The following RIMS2 variants were observed in gnomAD, a reference collection of about 807,000 sequenced individuals.
The protein encoded by RIMS2 is regulating synaptic membrane exocytosis protein 2.
A neutral mutation model predicts 174.4 loss-of-function variants in RIMS2; 59 were observed. The observed-to-expected ratio is 0.34, with a 90% CI of 0.27 to 0.42. The LOEUF (loss-of-function observed/expected upper bound fraction) is 0.42, where lower values mean the gene tolerates loss of function less well. Among genes scored for constraint, RIMS2 ranks in the 10% least tolerant of loss-of-function variants. The pLI, the probability that RIMS2 is intolerant of heterozygous loss-of-function variation, is 1.00. For missense variants in RIMS2, 1,620 were observed against 1,666.3 expected (o/e 0.97, Z 0.48); for synonymous variants, 606 against 572.5 (o/e 1.06, Z -0.84).
intron 3 of RIMS2, among the ~76,000 whole-genome samples, chr8:103,854,359 T>C (rs1273044780): frequency 6.6e-6 from 1 of 152,122 alleles, no homozygotes; most frequent in Admixed American, 6.6e-5. Flanking sequence ...ATTTTTTCTC[T>C]TGCCTGATTG....
intron 1 of RIMS2, among the ~76,000 whole-genome samples, chr8:103,512,218 G>A (rs963019393): frequency 6.6e-6 from 1 of 152,152 alleles, no homozygotes; most frequent in Non-Finnish European, 1.5e-5. Context: ...TTCCTTTAAT[G>A]TCACTATGGC....
chr8:103,973,080 T>C (rs898994769), intron 15 of RIMS2, among the ~76,000 whole-genome samples: 11 of 152,230 alleles, frequency 7.2e-5, no homozygotes, highest in Non-Finnish European at 1.5e-5. Flanking sequence ...ACAATTAATC[T>C]TCTTGCTGCA....
At chr8:103,668,999 T>C (rs976883592) in intron 1 of RIMS2, among the ~76,000 whole-genome samples, 1 of 152,152 alleles carries the variant, frequency 6.6e-6, no homozygotes, top group African/African-American at 2.4e-5. Context: ...TCTAGATGGA[T>C]TATCATAGTT....
At chr8:103,632,199 T>C (rs1005348707) in intron 1 of RIMS2, among the ~76,000 whole-genome samples, 2 of 152,184 alleles carry the variant, frequency 1.3e-5, no homozygotes, top group African/African-American at 4.8e-5. Flanking sequence ...CCTTGTCTTG[T>C]GTCAGTTTTC....
intron 1 of RIMS2, among the ~76,000 whole-genome samples, chr8:103,664,229 C>T (rs1431901513): frequency 6.6e-6 from 1 of 152,216 alleles, no homozygotes; most frequent in East Asian, 1.9e-4. Context: ...TCAAAGACTT[C>T]ATGACTAAAA....
intron 3 of RIMS2, among the ~76,000 whole-genome samples, chr8:103,839,014 A>G (rs1439333634): frequency 6.6e-6 from 1 of 152,144 alleles, no homozygotes; most frequent in Non-Finnish European, 1.5e-5. Flanking sequence ...GCAGTGAGCC[A>G]AGATCGCGCC....
chr8:103,590,810 A>G (rs1363222744), intron 1 of RIMS2, among the ~76,000 whole-genome samples: 2 of 151,158 alleles, frequency 1.3e-5, no homozygotes, highest in African/African-American at 4.8e-5. Context: ...ATGTTGTTGA[A>G]TGTATCAGAT....
chr8:104,110,728 C>T (rs16892392), intron 19 of RIMS2, among the ~76,000 whole-genome samples: 35,719 of 151,926 alleles, frequency 0.24, 4,497 homozygotes, highest in African/African-American at 0.33. Flanking sequence ...AAAGTTAATC[C>T]CCTGCACTGA....
intron 8 of RIMS2, 86 bp downstream of exon 11, chr8:103,916,623 C>A: frequency 9.2e-7 from 1 of 1,088,192 alleles, no homozygotes; most frequent in Non-Finnish European, 1.3e-6. Context: ...TTTCTGATTG[C>A]TTTATGGAAA....
At chr8:104,092,371 C>G (rs2097676610) in intron 19 of RIMS2, among the ~76,000 whole-genome samples, 1 of 151,664 alleles carries the variant, frequency 6.6e-6, no homozygotes, top group African/African-American at 2.4e-5. Flanking sequence ...GCAAAATTAA[C>G]TAGATAATAA....
At chr8:103,935,022 G>A (rs2080930771) in intron 12 of RIMS2, among the ~76,000 whole-genome samples, 1 of 152,130 alleles carries the variant, frequency 6.6e-6, no homozygotes, top group African/African-American at 2.4e-5. Flanking sequence ...GAATTAAATA[G>A]CAAGGCTCTG....
intron 10 of RIMS2, chr8:103,927,792 G>A (rs1313387527): frequency 7.8e-7 from 1 of 1,283,192 alleles, no homozygotes; most frequent in Non-Finnish European, 1.1e-6. Context: ...CCAGCGTGTT[G>A]TCCTTTTTGG....
chr8:103,668,001 T>C (rs1488927580), intron 1 of RIMS2, among the ~76,000 whole-genome samples: 2 of 152,204 alleles, frequency 1.3e-5, no homozygotes, highest in Non-Finnish European at 2.9e-5. Context: ...TTGTCCTCTG[T>C]TGGGGGACCA....
intron 1 of RIMS2, among the ~76,000 whole-genome samples, chr8:103,670,765 C>G (rs1309142163): frequency 6.6e-6 from 1 of 152,194 alleles, no homozygotes; most frequent in African/African-American, 2.4e-5. Context: ...ATATCATTAT[C>G]AGCATTTTGG....
intron 15 of RIMS2, among the ~76,000 whole-genome samples, chr8:103,965,517 T>C (rs1252568501): frequency 3.3e-5 from 5 of 152,174 alleles, no homozygotes; most frequent in Non-Finnish European, 2.9e-5. Flanking sequence ...TAATCACTTA[T>C]TAGTTCCTGG....
chr8:103,835,282 T>C (rs1258750437), intron 3 of RIMS2, among the ~76,000 whole-genome samples: 2 of 151,532 alleles, frequency 1.3e-5, no homozygotes, highest in African/African-American at 4.9e-5. Flanking sequence ...TTTGTCTTTT[T>C]AGTAGAGACA....
chr8:103,533,915 C>G (rs1838606401), intron 1 of RIMS2, among the ~76,000 whole-genome samples: 1 of 152,176 alleles, frequency 6.6e-6, no homozygotes, highest in Non-Finnish European at 1.5e-5. Context: ...ATCATGACTT[C>G]TGTGCATTTT....
chr8:103,713,934 C>T (rs898437859), intron 2 of RIMS2, among the ~76,000 whole-genome samples: 5 of 152,130 alleles, frequency 3.3e-5, no homozygotes, highest in Non-Finnish European at 5.9e-5. Context: ...TTTATCCCCT[C>T]TAGATCCCAC....
At position 104,237,775 on chromosome 8, in the gene RIMS2, C is replaced by T. The variant is rs978474663; in HGVS notation, c.3335-7141C>T. ...AATGCAGAGCCTGGATTAGCCCAGA[C>T]GAAATTGTTGGCTATTTGTCTTTAT... On this transcript the variant is annotated intron_variant, in intron 19 of 23. Transcript: ENST00000504942. Among the ~76,000 whole-genome samples the T allele has an allele frequency of 9.2e-5, 14 of 152,206 alleles. 1 individual carries two copies. Among genetic ancestry groups the T allele is most frequent in the African/African-American group, 2.6e-4 (11 of 41,544 alleles).
Sources: gnomAD v4.1 joint callset for allele counts (sites outside exome capture counted in the v4.1 genomes callset) on GRCh38, gnomAD v4.1.1 for gene constraint, MANE v1.5 for transcripts, NCBI Gene and HGNC (gene_info 2026-07-23, HGNC 2026-07-21) for gene names.